The following PAK1 variants were observed in gnomAD, a reference collection of about 807,000 sequenced individuals.
PAK1 encodes the protein p21 (RAC1) activated kinase 1.
PAK1 carries 29 observed loss-of-function variants against 67.4 expected under a neutral mutation model. That is an observed-to-expected ratio of 0.43 (90% CI 0.32 to 0.59). The LOEUF (loss-of-function observed/expected upper bound fraction) is 0.59, where lower values mean the gene tolerates loss of function less well. Among genes scored for constraint, PAK1 ranks in the 20% least tolerant of loss-of-function variants. The pLI is 0.07. For synonymous variants in PAK1, 223 were observed against 237.4 expected (o/e 0.94, Z 0.56); for missense variants, 337 against 670.7 (o/e 0.50, Z 5.50).
the PAK1 span, among the ~76,000 whole-genome samples, chr11:77,499,606 T>C: frequency 1.3e-5 from 2 of 152,198 alleles, no homozygotes; most frequent in Non-Finnish European, 2.9e-5. Context: ...CTTCTCAACT[T>C]TAGAGGAAGT....
chr11:77,481,673 C>CAAAAAAAA, the PAK1 span, among the ~76,000 whole-genome samples: 2,780 of 94,176 alleles, frequency 0.03, 95 homozygotes, highest in African/African-American at 0.085. Context: ...GACTCCATCT[C>CAAAAAAAA]AAAAAAAAAA....
chr11:77,353,467 C>G, intron 8 of PAK1, 69 bp downstream of exon 8: 2 of 1,186,886 alleles, frequency 1.7e-6, no homozygotes, highest in African/African-American at 3.1e-5. Context: ...AAAAAAAAAG[C>G]AAAATCATAT....
intron 8 of PAK1, among the ~76,000 whole-genome samples, chr11:77,350,121 G>A (rs1040083322): frequency 2.6e-5 from 4 of 152,042 alleles, no homozygotes; most frequent in Non-Finnish European, 5.9e-5. Flanking sequence ...GATATTACAG[G>A]ATACACTTGG....
chr11:77,341,122 A>T (rs936444234), intron 10 of PAK1, among the ~76,000 whole-genome samples: 2 of 152,146 alleles, frequency 1.3e-5, no homozygotes, highest in Non-Finnish European at 2.9e-5. Context: ...GCATCCAAAC[A>T]TTTGACAAAG....
chr11:77,485,569 G>A, the PAK1 span, among the ~76,000 whole-genome samples: 2 of 152,126 alleles, frequency 1.3e-5, no homozygotes, highest in Admixed American at 6.6e-5. Flanking sequence ...TCTGCCTCCT[G>A]GGTTCAAGCA....
the PAK1 span, among the ~76,000 whole-genome samples, chr11:77,508,723 G>A: frequency 3.4e-5 from 5 of 147,194 alleles, no homozygotes; most frequent in Admixed American, 3.4e-4. Flanking sequence ...GCAGTGGCGC[G>A]ATCTTGGCTC....
chr11:77,335,015 A>C (rs111493472), intron 13 of PAK1, among the ~76,000 whole-genome samples: 38 of 151,998 alleles, frequency 2.5e-4, no homozygotes, highest in Non-Finnish European at 4.3e-4. Flanking sequence ...TTTGACACAT[A>C]ATCTACCCTC....
intron 1 of PAK1, among the ~76,000 whole-genome samples, chr11:77,458,146 C>A (rs538904006): frequency 8.2e-4 from 125 of 152,274 alleles, no homozygotes; most frequent in African/African-American, 2.8e-3. Context: ...GACAAGGGAC[C>A]AAAATTTCTT....
chr11:77,391,615 A>G (rs530131752), intron 2 of PAK1, among the ~76,000 whole-genome samples: 3 of 152,344 alleles, frequency 2.0e-5, no homozygotes, highest in East Asian at 1.9e-4. Flanking sequence ...GGTACCAAAC[A>G]AAAGTCATCT....
chr11:77,381,811 C>T lies in PAK1; in HGVS notation c.191-1817G>A, dbSNP rs544967350. Among the ~76,000 whole-genome samples, 7 of 152,312 alleles carry T rather than the reference C, an allele frequency of 4.6e-5. No homozygotes were observed. In the East Asian group the frequency reaches 9.6e-4, roughly 21 times the overall value. ...ATTCCAAACGTTCATTCTTCAGTAT[C>T]TTAATGAGAACCATTTGCCTACATG... On this transcript the variant is annotated intron_variant, in intron 2 of 14. Transcript: ENST00000356341.
intron 1 of PAK1, among the ~76,000 whole-genome samples, chr11:77,432,644 T>C (rs1034419136): frequency 6.6e-6 from 1 of 151,988 alleles, no homozygotes; most frequent in Non-Finnish European, 1.5e-5. Flanking sequence ...GGTGGCGGAA[T>C]GAGACCCTGT....
the PAK1 span, among the ~76,000 whole-genome samples, chr11:77,528,070 C>T: frequency 1.2e-3 from 186 of 152,210 alleles, 6 homozygotes; most frequent in Admixed American, 0.011. Flanking sequence ...AGGCTGGTCT[C>T]GAACTCCTGG....
intron 1 of PAK1, among the ~76,000 whole-genome samples, chr11:77,463,930 CAA>C (rs1046109875): frequency 1.2e-4 from 18 of 152,224 alleles, no homozygotes; most frequent in African/African-American, 4.3e-4. Context: ...TATGTAATCT[CAA>C]ATTTTCTAGT....
intron 1 of PAK1, among the ~76,000 whole-genome samples, chr11:77,411,357 TC>T (rs1170374381): frequency 6.6e-6 from 1 of 151,532 alleles, no homozygotes; most frequent in Non-Finnish European, 1.5e-5. Flanking sequence ...ATAGGACCAG[TC>T]CCCCCAGGTC....
the PAK1 span, among the ~76,000 whole-genome samples, chr11:77,493,445 ATTTTTTTTTTTTTTTT>A: frequency 1.4e-5 from 1 of 70,964 alleles, no homozygotes; most frequent in African/African-American, 7.0e-5. Context: ...TGCCCAGCTA[ATTTTTTTTTTTTTTTT>A]TTTTTTTTTT....
intron 1 of PAK1, among the ~76,000 whole-genome samples, chr11:77,409,362 A>G (rs1432089698): frequency 6.6e-6 from 1 of 152,188 alleles, no homozygotes; most frequent in East Asian, 1.9e-4. Flanking sequence ...GAAAATGTAA[A>G]TTAGTAGAGC....
rs114957769 is a variant in PAK1 at position 77,340,757 on chromosome 11, G to A, written c.1005C>T (p.Leu335=). The change falls in exon 11 of 15, where the codon CTC becomes CTT. Residue 335 remains leucine, a synonymous_variant. Coordinates refer to ENST00000356341, the MANE Select transcript of PAK1 (RefSeq NM_002576.5). ...TAACAACCCACAGCTCATCTCCCACGAGGTAACTGCAGGAATACAGATAAA... is the reference window on the plus strand; with the variant it reads ...TAACAACCCACAGCTCATCTCCCACAAGGTAACTGCAGGAATACAGATAAA... The part of the protein sequence containing the change: ...PNIVNYLDSY[L]VGDELWVVME... 135 of 1,542,050 alleles carry A rather than the reference G, an allele frequency of 8.8e-5. No homozygotes were observed. The highest frequency in any genetic ancestry group is 7.6e-4 in the African/African-American group (56 of 73,608).
At chr11:77,458,152 T>C (rs1957162513) in intron 1 of PAK1, among the ~76,000 whole-genome samples, 1 of 152,232 alleles carries the variant, frequency 6.6e-6, no homozygotes, top group African/African-American at 2.4e-5. Flanking sequence ...GGACCAAAAT[T>C]TCTTAGTAAA....
chr11:77,337,448 G>T, intron 11 of PAK1, 25 bp from the exon 12 acceptor site: 1 of 1,239,424 alleles, frequency 8.1e-7, no homozygotes, highest in Non-Finnish European at 1.2e-6. Flanking sequence ...TGGGCAGGGG[G>T]AGAAAGAAAG....
Sources: allele counts gnomAD v4.1 joint callset (sites outside exome capture counted in the v4.1 genomes callset), GRCh38; gene constraint gnomAD v4.1.1; transcripts MANE v1.5; gene names NCBI Gene and HGNC (gene_info 2026-07-23, HGNC 2026-07-21).